RASSF3: variants seen among roughly 807,000 people sequenced by gnomAD.
The protein encoded by RASSF3 is ras association domain-containing protein 3.
In RASSF3, 19 loss-of-function variants were observed where a neutral mutation model predicts 19.9. That is an observed-to-expected ratio of 0.96 (90% CI 0.67 to 1.40). The LOEUF (loss-of-function observed/expected upper bound fraction) is 1.40, where lower values mean the gene tolerates loss of function less well. Among genes scored for constraint, RASSF3 ranks in the 40% most tolerant of loss-of-function variants. The pLI is 0.00. For missense variants in RASSF3, 306 were observed against 289.8 expected (o/e 1.06, Z -0.41); for synonymous variants, 110 against 104.2 (o/e 1.06, Z -0.34).
intron 2 of RASSF3, among the ~76,000 whole-genome samples, chr12:64,579,100 C>A (rs1306026597): frequency 6.6e-6 from 1 of 151,378 alleles, no homozygotes; most frequent in African/African-American, 2.4e-5. Context: ...GCACTCCAGC[C>A]TGGGCAACAA....
rs370961651 is a variant in RASSF3, at chr12:64,610,621, G to T, written c.-12G>T. 94 of 1,498,380 alleles carry T rather than the reference G, an allele frequency of 6.3e-5. No individual in the cohort carries two copies. The highest frequency in any genetic ancestry group is 8.1e-5 in the Non-Finnish European group (91 of 1,120,216). The allele number at this position is 1,498,380 out of a possible 1,614,324, so 92.8% of individuals were successfully genotyped here. A position where few individuals can be genotyped will look rare whatever the true frequency, so the allele number is the denominator to read the frequency against. On this transcript the variant is annotated 5_prime_UTR_variant, in exon 1 of 5. Transcript: ENST00000542104. ...CCCGGGGAGGCCGCCCGCGCGCGAC[G>T]GGACCGGCAGCATGAGCAGCGGCTA...
rs777974872 is a variant in RASSF3 at position 64,610,735 on chromosome 12, G to A, written c.103G>A (p.Gly35Ser). ...AGCGCCCCAGGGCAAGCCCCGCTCC[G>A]GCCAACAAGTGAGTGGCGCGCGGCG... ...RRAPQGKPRS[G>S]QQDVEKEKET... The change falls in exon 1 of 5, where the codon GGC becomes AGC. Residue 35 changes from glycine to serine, a missense_variant. Gly to Ser is a moderately conservative substitution (Grantham distance 56). Transcript: ENST00000542104. The A allele has an allele frequency of 6.3e-7, 1 of 1,585,438 alleles. No homozygotes were observed. Among genetic ancestry groups the A allele is most frequent in the African/African-American group, 1.4e-5 (1 of 71,752 alleles).
At chr12:64,564,660 G>T (rs1869399208) in intron 2 of RASSF3, among the ~76,000 whole-genome samples, 1 of 152,160 alleles carries the variant, frequency 6.6e-6, no homozygotes, top group Admixed American at 6.5e-5. Context: ...GGGATTACAG[G>T]CGTGAGCCAC....
intron 2 of RASSF3, among the ~76,000 whole-genome samples, chr12:64,553,152 T>C (rs1592398712): frequency 6.6e-6 from 1 of 152,340 alleles, no homozygotes; most frequent in Middle Eastern, 3.4e-3. Context: ...CACAATCTCT[T>C]TTTGATATCA....
At chr12:64,635,897 G>A (rs1288499725) in intron 1 of RASSF3, among the ~76,000 whole-genome samples, 1 of 152,206 alleles carries the variant, frequency 6.6e-6, no homozygotes, top group African/African-American at 2.4e-5. Flanking sequence ...TGAGGATAGA[G>A]AGGGGGATGG....
intron 1 of RASSF3, among the ~76,000 whole-genome samples, chr12:64,507,820 T>C (rs540982345): frequency 6.6e-6 from 1 of 152,300 alleles, no homozygotes; most frequent in Admixed American, 6.5e-5. Flanking sequence ...TATTTATTGA[T>C]GTGAGAATTT....
At chr12:64,552,069 G>A (rs1435377389) in intron 2 of RASSF3, among the ~76,000 whole-genome samples, 1 of 152,140 alleles carries the variant, frequency 6.6e-6, no homozygotes, top group African/African-American at 2.4e-5. Context: ...ATTTAGGGGG[G>A]CCTTAGAGTT....
At chr12:64,688,517 C>A in intron 3 of RASSF3, 64 bp downstream of exon 3, 2 of 1,169,366 alleles carry the variant, frequency 1.7e-6, no homozygotes, top group Non-Finnish European at 2.6e-6. Context: ...TTCTCATTAG[C>A]AGAGGGAAGA....
Position 64,650,408 on chromosome 12 carries a change from C to CTTTTTTTT in RASSF3, c.112-34362_112-34355dup, listed in dbSNP as rs67304103. ...GCCAGGAGGTGTTTCTTTTTTTTTC[C>CTTTTTTTT]TTTTTTTTTTTTTTTTTTTTTTTTG... On this transcript the variant is annotated intron_variant, in intron 1 of 4. Coordinates refer to ENST00000542104, the MANE Select transcript of RASSF3 (RefSeq NM_178169.4). 2.2e-4 allele frequency among the ~76,000 whole-genome samples: 19 copies of CTTTTTTTT among 85,468 alleles called. 1 individual carries two copies. Among genetic ancestry groups the CTTTTTTTT allele is most frequent in the South Asian group, 5.0e-4 (1 of 1,984 alleles). 56.1% of individuals were successfully genotyped at this position (85,468 alleles called of 152,430 possible).
chr12:64,632,523 G>A (rs1871201182), intron 1 of RASSF3, among the ~76,000 whole-genome samples: 1 of 152,048 alleles, frequency 6.6e-6, no homozygotes, highest in South Asian at 2.1e-4. Flanking sequence ...GGAGAGAGAA[G>A]GACTCCAGAA....
At chr12:64,533,488 T>G (rs1342388305) in intron 1 of RASSF3, 1 of 152,150 alleles carries the variant, frequency 6.6e-6, no homozygotes, top group African/African-American at 2.4e-5. Context: ...GGCCCGCTGT[T>G]TTGGTTTCTT....
chr12:64,675,606 A>G (rs182175491), intron 1 of RASSF3, among the ~76,000 whole-genome samples: 88 of 152,262 alleles, frequency 5.8e-4, no homozygotes, highest in African/African-American at 2.0e-3. Context: ...TTTGGAAAGC[A>G]TGGCCCCCCG....
At chr12:64,615,706 G>A (rs1482076593) in intron 1 of RASSF3, among the ~76,000 whole-genome samples, 3 of 149,486 alleles carry the variant, frequency 2.0e-5, no homozygotes, top group Non-Finnish European at 4.4e-5. Context: ...ACGGAGTTTC[G>A]CTTTTGTCAC....
At position 64,676,682 on chromosome 12, in the gene RASSF3, G is replaced by A. The variant is rs148160746; in HGVS notation, c.112-8105G>A. ...GATGGGGTTTCACCATGTTGGCCAC[G>A]CTGGTCTCAAACTCCTGACTGCAGG... On this transcript the variant is annotated intron_variant, in intron 1 of 4. Coordinates refer to ENST00000542104, the MANE Select transcript of RASSF3 (RefSeq NM_178169.4). Among the ~76,000 whole-genome samples, 537 of 151,830 alleles carry A rather than the reference G, an allele frequency of 3.5e-3. 1 individual carries two copies. The highest frequency in any genetic ancestry group is 0.012 in the African/African-American group (502 of 41,406).
chr12:64,546,052 C>G (rs559826983), downstream of RASSF3, among the ~76,000 whole-genome samples: 14 of 131,810 alleles, frequency 1.1e-4, no homozygotes, highest in African/African-American at 4.1e-4. Context: ...GCTGAGATTA[C>G]GCCAATGCGC....
rs143454532 is a variant in RASSF3 at position 64,676,750 on chromosome 12, C to T, written c.112-8037C>T. Among the ~76,000 whole-genome samples, 920 of 150,056 alleles carry T rather than the reference C, an allele frequency of 6.1e-3. 12 individuals are homozygous for T. The highest frequency in any genetic ancestry group is 0.02 in the African/African-American group (833 of 40,808). On this transcript the variant is annotated intron_variant, in intron 1 of 4. Transcript: ENST00000542104. Reference sequence around the variant, plus strand: ...GCTCCCAAAATGCTGGGATTACAGGCGTGAGCCATTGCACCTGGCCACTTT... The same window carrying T: ...GCTCCCAAAATGCTGGGATTACAGGTGTGAGCCATTGCACCTGGCCACTTT...
upstream of RASSF3, among the ~76,000 whole-genome samples, chr12:64,532,510 G>C (rs577864778): frequency 1.1e-4 from 17 of 152,184 alleles, no homozygotes; most frequent in South Asian, 2.9e-3. Flanking sequence ...AACATTCTAA[G>C]CACTTTTCAT....
At chr12:64,641,463 G>T (rs1198256082) in intron 1 of RASSF3, among the ~76,000 whole-genome samples, 1 of 144,422 alleles carries the variant, frequency 6.9e-6, no homozygotes, top group African/African-American at 2.8e-5. Flanking sequence ...GGACGTGGGG[G>T]ACTAGACCTG....
At chr12:64,688,021 T>G (rs976159089) in intron 2 of RASSF3, among the ~76,000 whole-genome samples, 195 bp from the exon 3 acceptor site, 3 of 152,240 alleles carry the variant, frequency 2.0e-5, no homozygotes, top group Non-Finnish European at 4.4e-5. Context: ...ACCTTGCCTC[T>G]GGAAGCACTT....
Sources: allele counts gnomAD v4.1 joint callset (sites outside exome capture counted in the v4.1 genomes callset), GRCh38; gene constraint gnomAD v4.1.1; transcripts MANE v1.5; gene names NCBI Gene and HGNC (gene_info 2026-07-23, HGNC 2026-07-21).